NECTIN2: variants seen among roughly 807,000 people sequenced by gnomAD.
NECTIN2 encodes nectin-2.
NECTIN2 carries 23 observed loss-of-function variants against 56.9 expected under a neutral mutation model. That is an observed-to-expected ratio of 0.40 (90% CI 0.29 to 0.57). NECTIN2 has a LOEUF of 0.57. Among genes scored for constraint, NECTIN2 ranks in the 20% least tolerant of loss-of-function variants. The pLI, the probability that NECTIN2 is intolerant of heterozygous loss-of-function variation, is 0.38. For synonymous variants in NECTIN2, 302 were observed against 313.8 expected, an observed-to-expected ratio of 0.96 and a Z score of 0.40; for missense variants, 587 against 718.3, an observed-to-expected ratio of 0.82 and a Z score of 2.09.
At chr19:44,867,525 C>G (rs964328157) in intron 2 of NECTIN2, among the ~76,000 whole-genome samples, 1 of 152,156 alleles carries the variant, frequency 6.6e-6, no homozygotes, top group Non-Finnish European at 1.5e-5. Context: ...GGAAGTAAAA[C>G]GGCTTAGAAG....
intron 1 of NECTIN2, among the ~76,000 whole-genome samples, chr19:44,857,833 A>T (rs1182778394): frequency 1.3e-5 from 2 of 151,938 alleles, no homozygotes; most frequent in Non-Finnish European, 2.9e-5. Context: ...GGCATGAGCC[A>T]ACGCACCCAG....
At chr19:44,878,660 C>T (rs3729640) in intron 5 of NECTIN2, 315,900 of 1,548,220 alleles carry the variant, frequency 0.2, 33,396 homozygotes, top group Middle Eastern at 0.3. Flanking sequence ...CCGGCCCTCC[C>T]GCCCCCGACC....
At chr19:44,849,815 AAG>A (rs1009013502) in intron 1 of NECTIN2, among the ~76,000 whole-genome samples, 10 of 152,160 alleles carry the variant, frequency 6.6e-5, no homozygotes, top group African/African-American at 2.4e-4. Flanking sequence ...AGGAAAGAGG[AAG>A]AGAGTGACTA....
In NECTIN2 at chr19:44,871,908, G is replaced by C; in HGVS notation, c.534G>C (p.Thr178=). ...AQKVTFSQDP[T]TVALCISKEG... Reference sequence around the variant, plus strand: ...AGGTCACGTTCAGCCAGGACCCTACGACAGTGGCCCTCTGCATCTCCAAAG... The same window carrying C: ...AGGTCACGTTCAGCCAGGACCCTACCACAGTGGCCCTCTGCATCTCCAAAG... The change falls in exon 3 of 9, where the codon ACG becomes ACC. Residue 178 remains threonine (T), a synonymous_variant. Transcript: ENST00000252483. 1 of 1,614,156 alleles carries C rather than the reference G, an allele frequency of 6.2e-7. No homozygotes were observed. Among genetic ancestry groups the C allele is most frequent in the Non-Finnish European group, 8.5e-7 (1 of 1,180,016 alleles).
chr19:44,867,776 CGAG>C (rs1969118735), intron 2 of NECTIN2, among the ~76,000 whole-genome samples: 1 of 151,998 alleles, frequency 6.6e-6, no homozygotes, highest in African/African-American at 2.4e-5. Context: ...CAGGTGGAGG[CGAG>C]GAGGCTGGAC....
chr19:44,884,998 C>CT (rs1186080171), intron 6 of NECTIN2, among the ~76,000 whole-genome samples: 7 of 150,994 alleles, frequency 4.6e-5, no homozygotes, highest in South Asian at 2.1e-4. Context: ...CTTTTCTTTT[C>CT]TTTTTTTTTC....
At chr19:44,882,525 T>C (rs1969319072) in intron 6 of NECTIN2, among the ~76,000 whole-genome samples, 161 bp downstream of exon 6, 1 of 151,938 alleles carries the variant, frequency 6.6e-6, no homozygotes, top group Non-Finnish European at 1.5e-5. Context: ...TGGGTTTCTC[T>C]CTGCTATAAA....
At chr19:44,886,316 C>T (rs368775351) in intron 8 of NECTIN2, 97 bp downstream of exon 8, 53 of 997,024 alleles carry the variant, frequency 5.3e-5, no homozygotes, top group East Asian at 1.5e-4. Context: ...AAGGTCATAA[C>T]TCAAGGTCAA....
intron 1 of NECTIN2, among the ~76,000 whole-genome samples, chr19:44,857,407 A>T (rs1968977353): frequency 7.0e-6 from 1 of 143,180 alleles, no homozygotes; most frequent in Admixed American, 7.0e-5. Flanking sequence ...TTGCCCAGCT[A>T]TTTTTTTTTT....
chr19:44,856,711 A>G (rs1254764011), intron 1 of NECTIN2, among the ~76,000 whole-genome samples: 10 of 152,106 alleles, frequency 6.6e-5, no homozygotes, highest in Non-Finnish European at 2.9e-5. Context: ...GGGAATCTGG[A>G]GGAGCCGGAA....
At chr19:44,882,824 G>A (rs1192761231) in intron 6 of NECTIN2, among the ~76,000 whole-genome samples, 2 of 142,366 alleles carry the variant, frequency 1.4e-5, no homozygotes, top group African/African-American at 5.3e-5. Flanking sequence ...CTCTGTCACC[G>A]AGGCTGGAAT....
chr19:44,878,922 T>C (rs1969276785), intron 5 of NECTIN2: 2 of 1,188,306 alleles, frequency 1.7e-6, no homozygotes, highest in Non-Finnish European at 1.0e-6. Context: ...AGTTAATAAA[T>C]GCCTTGGAGG....
intron 1 of NECTIN2, among the ~76,000 whole-genome samples, chr19:44,864,190 A>T (rs1293315556): frequency 1.4e-5 from 2 of 147,066 alleles, no homozygotes; most frequent in African/African-American, 2.5e-5. Flanking sequence ...ACAAACAAAA[A>T]ATACAAATTA....
At position 44,865,147 on chromosome 19, in the gene NECTIN2, G is replaced by A. The variant is rs1489043297; in HGVS notation, c.89-124G>A. ...GGCTTTTTTGGAATCAGGATGCTGCGAAGCTGCCTACGTTGCATGCGGAGC... is the reference window on the plus strand; with the variant it reads ...GGCTTTTTTGGAATCAGGATGCTGCAAAGCTGCCTACGTTGCATGCGGAGC... On this transcript the variant is annotated intron_variant, in intron 1 of 8. Coordinates refer to ENST00000252483, the MANE Select transcript of NECTIN2 (RefSeq NM_001042724.2). The surrounding 1 kb of genome is among the most constrained non-coding windows in gnomAD (Gnocchi z 5.2). The A allele has an allele frequency of 2.9e-5, 31 of 1,069,206 alleles. No homozygotes were observed. The East Asian group carries it at 3.7e-4, about 13-fold the overall frequency. 66.2% of individuals were successfully genotyped at this position (1,069,206 alleles called of 1,614,324 possible).
intron 8 of NECTIN2, among the ~76,000 whole-genome samples, chr19:44,887,087 C>A (rs1969369705): frequency 6.6e-6 from 1 of 151,868 alleles, no homozygotes; most frequent in South Asian, 2.1e-4. Flanking sequence ...TGGTGGCTCA[C>A]ACCTGTAATC....
intron 5 of NECTIN2, chr19:44,878,406 A>T (rs1411853076): frequency 2.6e-5 from 41 of 1,565,440 alleles, no homozygotes; most frequent in Non-Finnish European, 3.6e-5. Context: ...GGATTCTACG[A>T]TCCGAAAGCT....
intron 1 of NECTIN2, among the ~76,000 whole-genome samples, chr19:44,864,243 G>C (rs1969069570): frequency 1.3e-5 from 2 of 152,056 alleles, no homozygotes; most frequent in Non-Finnish European, 2.9e-5. Context: ...GCTTGAACCT[G>C]GGAGGTCAAG....
At chr19:44,863,810 C>T (rs2122659279) in intron 1 of NECTIN2, among the ~76,000 whole-genome samples, 1 of 148,054 alleles carries the variant, frequency 6.8e-6, no homozygotes, top group African/African-American at 2.5e-5. Context: ...CCACTGCACC[C>T]CAGCCTGGGC....
intron 1 of NECTIN2, among the ~76,000 whole-genome samples, chr19:44,852,235 C>T (rs1968907762): frequency 1.3e-5 from 2 of 152,198 alleles, no homozygotes; most frequent in South Asian, 2.1e-4. Context: ...CTGCAACCTC[C>T]GCCTCCCAGG....
Sources: gnomAD v4.1 joint callset for allele counts (sites outside exome capture counted in the v4.1 genomes callset) on GRCh38, gnomAD v4.1.1 for gene constraint, Gnocchi (gnomAD v3.1) non-coding constraint, MANE v1.5 for transcripts, NCBI Gene and HGNC (gene_info 2026-07-23, HGNC 2026-07-21) for gene names.